IQSEC1: variants seen among roughly 807,000 people sequenced by gnomAD.
IQSEC1 encodes IQ motif and Sec7 domain ArfGEF 1.
IQSEC1 carries 31 observed loss-of-function variants against 91.0 expected under a neutral mutation model. That is an observed-to-expected ratio of 0.34 (90% confidence interval 0.26 to 0.46). The LOEUF is 0.46. Among genes scored for constraint, IQSEC1 ranks in the 20% least tolerant of loss-of-function variants. The pLI is 1.00. For missense variants in IQSEC1, 1,388 were observed against 1,575.6 expected, an observed-to-expected ratio of 0.88 and a Z score of 2.02; for synonymous variants, 699 against 662.6, an observed-to-expected ratio of 1.05 and a Z score of -0.84.
rs60347391 is a variant in IQSEC1 at position 13,277,137 on chromosome 3, A to AAAAAAAAC, written c.272+5573_272+5574insGTTTTTTT. ...AAAAAAAAAAAAAAAAAAAAAAAAA[A>AAAAAAAAC]CAGAAAACAAGACACAAAAGACCGG... On this transcript the variant is annotated intron_variant, in intron 1 of 15. Coordinates refer to the IQSEC1 transcript ENST00000648114. 2.6e-3 allele frequency among the ~76,000 whole-genome samples: 313 copies of AAAAAAAAC among 118,374 alleles called. 29 individuals carry two copies. Among genetic ancestry groups the AAAAAAAAC allele is most frequent in the African/African-American group, 0.011 (296 of 27,454 alleles). The allele number at this position is 118,374 out of a possible 152,430, so 77.7% of individuals were successfully genotyped here.
intron 2 of IQSEC1, among the ~76,000 whole-genome samples, chr3:13,164,094 A>G (rs1036842252): frequency 2.6e-5 from 4 of 152,178 alleles, no homozygotes; most frequent in African/African-American, 9.7e-5. Context: ...GAGGTGGATG[A>G]AGCACATACC....
intron 1 of IQSEC1, among the ~76,000 whole-genome samples, chr3:12,971,336 T>C (rs1400019574): frequency 6.6e-6 from 1 of 152,214 alleles, no homozygotes; most frequent in African/African-American, 2.4e-5. Flanking sequence ...CAAGATGGGA[T>C]GCACTGTTGG....
At chr3:13,084,044 C>T (rs966569482) in intron 2 of IQSEC1, among the ~76,000 whole-genome samples, 1 of 152,208 alleles carries the variant, frequency 6.6e-6, no homozygotes, top group Non-Finnish European at 1.5e-5. Flanking sequence ...GGGCTCCAAG[C>T]GCATGGCTGA....
intron 2 of IQSEC1, among the ~76,000 whole-genome samples, chr3:13,115,303 G>A (rs1226086620): frequency 6.6e-6 from 1 of 151,990 alleles, no homozygotes; most frequent in African/African-American, 2.4e-5. Context: ...CTCTCACTCT[G>A]GGGCGTCCTG....
At position 13,168,439 on chromosome 3, in the gene IQSEC1, G is replaced by A. The variant is rs193284822; in HGVS notation, c.273-4306C>T. On this transcript the variant is annotated intron_variant, in intron 1 of 15. Coordinates refer to the IQSEC1 transcript ENST00000648114. ...TATGCCCGTCTTCCTCACTTAACACGGATCATAAGCACATCTCAGGGGCCT... is the reference window on the plus strand; with the variant it reads ...TATGCCCGTCTTCCTCACTTAACACAGATCATAAGCACATCTCAGGGGCCT... Among the ~76,000 whole-genome samples the A allele has an allele frequency of 2.3e-4, 35 of 152,124 alleles. No homozygotes were observed. In the East Asian group the frequency reaches 3.3e-3, roughly 14 times the overall value.
intron 10 of IQSEC1, among the ~76,000 whole-genome samples, chr3:12,910,808 G>A (rs2125086623): frequency 6.6e-6 from 1 of 152,340 alleles, no homozygotes; most frequent in South Asian, 2.1e-4. Context: ...TAGACAGACA[G>A]TGACACCTAG....
At chr3:13,251,444 A>G (rs763451374) in intron 1 of IQSEC1, among the ~76,000 whole-genome samples, 1 of 152,224 alleles carries the variant, frequency 6.6e-6, no homozygotes, top group Non-Finnish European at 1.5e-5. Flanking sequence ...AGCTCAATAA[A>G]TATTTATTGA....
intron 1 of IQSEC1, among the ~76,000 whole-genome samples, chr3:13,198,445 G>A (rs769308703): frequency 3.1e-4 from 47 of 152,058 alleles, no homozygotes; most frequent in Admixed American, 7.2e-4. Context: ...CAGGGTAGGC[G>A]GGGGGCAGGA....
At chr3:12,937,731 C>T (rs1698330115) in intron 2 of IQSEC1, among the ~76,000 whole-genome samples, 2 of 152,214 alleles carry the variant, frequency 1.3e-5, no homozygotes, top group Admixed American at 1.3e-4. Flanking sequence ...GCTGGAAAGA[C>T]CCTCAGCTGC....
At chr3:12,998,132 T>C (rs1279435646) in intron 1 of IQSEC1, among the ~76,000 whole-genome samples, 1 of 152,162 alleles carries the variant, frequency 6.6e-6, no homozygotes, top group Admixed American at 6.5e-5. Context: ...GGTGGATCAC[T>C]TGAGGCTAGG....
intron 1 of IQSEC1, among the ~76,000 whole-genome samples, chr3:13,180,475 C>T (rs546869299): frequency 4.6e-5 from 7 of 152,266 alleles, no homozygotes; most frequent in Admixed American, 2.0e-4. Context: ...ACAGTCCACT[C>T]GGCTCTCTGT....
chr3:13,234,529 C>A (rs1044260039), intron 1 of IQSEC1, among the ~76,000 whole-genome samples: 1 of 152,184 alleles, frequency 6.6e-6, no homozygotes, highest in African/African-American at 2.4e-5. Context: ...TCTAAGTACC[C>A]CCCTACCCCA....
Position 12,924,759 on chromosome 3 carries a change from G to C in IQSEC1, c.1569-17C>G, listed in dbSNP as rs1338762132. 8 of 1,543,082 alleles carry C rather than the reference G, an allele frequency of 5.2e-6. No homozygotes were observed. Among genetic ancestry groups the C allele is most frequent in the African/African-American group, 1.4e-5 (1 of 72,808 alleles). On this transcript the variant is annotated splice_polypyrimidine_tract_variant and intron_variant, in intron 3 of 13. Transcript: ENST00000613206. The surrounding 1 kb of genome is among the most constrained non-coding windows in gnomAD (Gnocchi z 6.3). ...TCAGGCTTCCTGGGGTAGGACGAGA[G>C]GCACACTCAGTCCCAGCTGCCCGGC...
At chr3:13,034,301 C>T (rs768565047) in intron 1 of IQSEC1, among the ~76,000 whole-genome samples, 9 of 152,190 alleles carry the variant, frequency 5.9e-5, no homozygotes, top group Non-Finnish European at 1.2e-4. Flanking sequence ...GCCAAGAAAC[C>T]GCTGAGGTGC....
Position 12,922,948 on chromosome 3 carries a change from C to A in IQSEC1, c.1731-706G>T, listed in dbSNP as rs1696770605. Reference sequence around the variant, plus strand: ...CTTCTGGCCAAGCTCCCTAATGATGCTGCGGTCACTCCCATGGGGCAGAGA... The same window carrying A: ...CTTCTGGCCAAGCTCCCTAATGATGATGCGGTCACTCCCATGGGGCAGAGA... On this transcript the variant is annotated intron_variant, in intron 4 of 13. Transcript: ENST00000613206. This position sits in a 1 kb window ranked among gnomAD's most constrained non-coding sequence, Gnocchi z 5.1. Among the ~76,000 whole-genome samples the A allele has an allele frequency of 6.6e-6, 1 of 152,162 alleles. No individual in the cohort carries two copies. The highest frequency in any genetic ancestry group is 1.5e-5 in the Non-Finnish European group (1 of 68,026).
chr3:12,928,703 C>A (rs1426023744), intron 3 of IQSEC1, among the ~76,000 whole-genome samples: 2 of 152,234 alleles, frequency 1.3e-5, no homozygotes, highest in South Asian at 2.1e-4. Flanking sequence ...CCCTGCCTCA[C>A]AGAGTTCCAC....
chr3:12,960,239 G>A (rs1015004098), intron 1 of IQSEC1: 3 of 152,178 alleles, frequency 2.0e-5, no homozygotes, highest in Admixed American at 6.5e-5. Context: ...GTGGACAGTC[G>A]TCCTGATCCT....
intron 2 of IQSEC1, among the ~76,000 whole-genome samples, chr3:13,128,148 G>A (rs549252846): frequency 4.5e-4 from 69 of 152,094 alleles, no homozygotes; most frequent in Non-Finnish European, 8.8e-4. Context: ...CAATCTGTAT[G>A]ACTTTTGTTG....
intron 1 of IQSEC1, among the ~76,000 whole-genome samples, chr3:12,949,147 A>G (rs1333681461): frequency 6.6e-6 from 1 of 152,242 alleles, no homozygotes; most frequent in Non-Finnish European, 1.5e-5. Flanking sequence ...AGTATAAGAC[A>G]GAGTTGTGTG....
Sources: allele counts gnomAD v4.1 joint callset (sites outside exome capture counted in the v4.1 genomes callset), GRCh38; gene constraint gnomAD v4.1.1; non-coding constraint Gnocchi (gnomAD v3.1); transcripts MANE v1.5; gene names NCBI Gene and HGNC (gene_info 2026-07-23, HGNC 2026-07-21).